LYPLAL1: variants seen among roughly 807,000 people sequenced by gnomAD.
The protein encoded by LYPLAL1 is lysophospholipase like 1, also known as lysophospholipase-like protein 1.
Under a neutral mutation model 19.7 loss-of-function variants are expected in LYPLAL1, and 23 were observed. That is an observed-to-expected ratio of 1.17 (90% CI 0.84 to 1.65). LYPLAL1 has a LOEUF of 1.65. Ranked by LOEUF, LYPLAL1 falls within the 40% of genes most tolerant of loss-of-function variation. LYPLAL1 has a pLI of 0.00. For synonymous variants in LYPLAL1, 119 were observed against 96.3 expected, an observed-to-expected ratio of 1.24 and a Z score of -1.38; for missense variants, 355 against 279.4, an observed-to-expected ratio of 1.27 and a Z score of -1.93.
At chr1:219,268,450 T>C in the LYPLAL1 span, among the ~76,000 whole-genome samples, 4 of 152,020 alleles carry the variant, frequency 2.6e-5, no homozygotes, top group East Asian at 5.8e-4. Flanking sequence ...AGGGGACCAA[T>C]GGAGGTGGAG....
At chr1:219,297,810 A>G in the LYPLAL1 span, among the ~76,000 whole-genome samples, 1 of 152,196 alleles carries the variant, frequency 6.6e-6, no homozygotes, top group Admixed American at 6.5e-5. Flanking sequence ...GTATTTATTC[A>G]TTTGTTTTAC....
chr1:219,439,970 TATACATATATATATATATATACAC>T, the LYPLAL1 span, among the ~76,000 whole-genome samples: 4 of 122,228 alleles, frequency 3.3e-5, no homozygotes, highest in Non-Finnish European at 4.7e-5. Context: ...TATATATATA[TATACATATATATATATATATACAC>T]ACATATATAT....
Position 219,205,378 on chromosome 1 carries a change from AC to A in LYPLAL1, c.362-5153del, listed in dbSNP as rs1426634643. Reference sequence around the variant, plus strand: ...GACTCCGTCTCAAAAAAAAAAAAAAACAAAAAAAACAAAAGCACTCAGTAAG... The same window carrying A: ...GACTCCGTCTCAAAAAAAAAAAAAAAAAAAAAAACAAAAGCACTCAGTAAG... On this transcript the variant is annotated intron_variant, in intron 3 of 4. Transcript: ENST00000366928. Among the ~76,000 whole-genome samples the A allele has an allele frequency of 6.6e-5, 10 of 151,290 alleles. No individual in the cohort carries two copies. The East Asian group carries it at 1.4e-3, about 21-fold the overall frequency.
At chr1:219,282,709 T>C in the LYPLAL1 span, among the ~76,000 whole-genome samples, 1 of 152,172 alleles carries the variant, frequency 6.6e-6, no homozygotes, top group Non-Finnish European at 1.5e-5. Context: ...GATTTTCAAC[T>C]GAGAATTCTA....
At chr1:219,416,002 A>G in the LYPLAL1 span, among the ~76,000 whole-genome samples, 2 of 152,278 alleles carry the variant, frequency 1.3e-5, no homozygotes, top group African/African-American at 2.4e-5. Context: ...GAATTCTGCT[A>G]TTTTTTAAAA....
At chr1:219,219,714 G>A in the LYPLAL1 span, among the ~76,000 whole-genome samples, 1 of 151,572 alleles carries the variant, frequency 6.6e-6, no homozygotes, top group African/African-American at 2.4e-5. Flanking sequence ...GTTCATGTTT[G>A]TGTGTGTGTG....
chr1:219,240,696 T>C, the LYPLAL1 span, among the ~76,000 whole-genome samples: 6 of 152,306 alleles, frequency 3.9e-5, no homozygotes, highest in African/African-American at 1.4e-4. Context: ...AAAATTGTTT[T>C]CAAGTAGTTC....
chr1:219,320,387 T>A, the LYPLAL1 span, among the ~76,000 whole-genome samples: 1 of 152,150 alleles, frequency 6.6e-6, no homozygotes, highest in African/African-American at 2.4e-5. Flanking sequence ...CAACTTCTTC[T>A]TGATCGTCAA....
At chr1:219,291,347 A>G in the LYPLAL1 span, among the ~76,000 whole-genome samples, 2 of 152,298 alleles carry the variant, frequency 1.3e-5, no homozygotes, top group South Asian at 4.1e-4. Context: ...ATACTCTTTT[A>G]TTTATTTTTG....
chr1:219,386,866 T>G, the LYPLAL1 span, among the ~76,000 whole-genome samples: 3 of 152,182 alleles, frequency 2.0e-5, no homozygotes, highest in African/African-American at 7.2e-5. Flanking sequence ...GATATTGCTT[T>G]CAAATTTATT....
chr1:219,301,270 C>G, the LYPLAL1 span, among the ~76,000 whole-genome samples: 6 of 151,994 alleles, frequency 3.9e-5, no homozygotes, highest in Non-Finnish European at 5.9e-5. Flanking sequence ...CATACTTTTC[C>G]CCAAGGTATT....
chr1:219,438,147 T>C, the LYPLAL1 span, among the ~76,000 whole-genome samples: 2 of 152,190 alleles, frequency 1.3e-5, no homozygotes, highest in Non-Finnish European at 2.9e-5. Flanking sequence ...AGAATTTAAT[T>C]ACCCTTTACT....
the LYPLAL1 span, among the ~76,000 whole-genome samples, chr1:219,397,529 T>C: frequency 6.6e-6 from 1 of 152,212 alleles, no homozygotes; most frequent in Non-Finnish European, 1.5e-5. Context: ...CTGTGCCCTT[T>C]AATTGGGGCA....
At chr1:219,240,597 T>C in the LYPLAL1 span, among the ~76,000 whole-genome samples, 2 of 152,198 alleles carry the variant, frequency 1.3e-5, no homozygotes, top group African/African-American at 4.8e-5. Flanking sequence ...GAAATAACTT[T>C]TTGCTCCCTA....
chr1:219,341,851 A>G, the LYPLAL1 span, among the ~76,000 whole-genome samples: 1 of 152,154 alleles, frequency 6.6e-6, no homozygotes, highest in Non-Finnish European at 1.5e-5. Context: ...TAAAAAGTTG[A>G]TTGAAATCTG....
the LYPLAL1 span, among the ~76,000 whole-genome samples, chr1:219,316,081 G>A: frequency 6.6e-6 from 1 of 152,110 alleles, no homozygotes; most frequent in South Asian, 2.1e-4. Context: ...ACGCTTACAG[G>A]TTTTGATCAT....
the LYPLAL1 span, among the ~76,000 whole-genome samples, chr1:219,219,100 A>G: frequency 3.9e-5 from 6 of 152,308 alleles, no homozygotes; most frequent in African/African-American, 9.6e-5. Context: ...CACAGCATCC[A>G]TAGCTAGTGA....
chr1:219,324,709 G>A, the LYPLAL1 span, among the ~76,000 whole-genome samples: 1 of 152,188 alleles, frequency 6.6e-6, no homozygotes, highest in Admixed American at 6.5e-5. Flanking sequence ...GCCAAATAGT[G>A]TGTGTGTATG....
the LYPLAL1 span, among the ~76,000 whole-genome samples, chr1:219,232,530 T>C: frequency 6.6e-6 from 1 of 152,118 alleles, no homozygotes; most frequent in Non-Finnish European, 1.5e-5. Context: ...TAAAAATAGA[T>C]GGATTAGACT....
Sources: allele counts gnomAD v4.1 joint callset (sites outside exome capture counted in the v4.1 genomes callset), GRCh38; gene constraint gnomAD v4.1.1; transcripts MANE v1.5; gene names NCBI Gene and HGNC (gene_info 2026-07-23, HGNC 2026-07-21).